CABLES1: variants seen among roughly 807,000 people sequenced by gnomAD.
The protein encoded by CABLES1 is CDK5 and ABL1 enzyme substrate 1.
Under a neutral mutation model 57.8 loss-of-function variants are expected in CABLES1, and 36 were observed. The ratio of observed to expected loss-of-function variants is 0.62; its 90% CI spans 0.48 to 0.82. CABLES1 has a LOEUF of 0.82. Ranked by LOEUF, CABLES1 falls within the 40% of genes least tolerant of loss-of-function variation. The pLI is 0.00. For missense variants in CABLES1, 767 were observed against 836.6 expected (o/e 0.92, Z 1.03); for synonymous variants, 374 against 363.0 (o/e 1.03, Z -0.35).
chr18:23,252,978 G>C lies in CABLES1; in HGVS notation c.1465G>C (p.Val489Leu). ...GTTACAGACAACAGTGATTGACTAC[G>C]TGAAGCCCTCGGATCTCAAGAAGGA... ...PSYMTTVIDYVKPSDLKKDMN... is the reference protein window; with the variant it reads ...PSYMTTVIDYLKPSDLKKDMN... Residue 489 changes from valine (V) to leucine (L), a missense_variant, in exon 8 of 10, where the codon GTG (valine) becomes CTG (leucine). Coordinates refer to ENST00000256925, the MANE Select transcript of CABLES1 (RefSeq NM_001100619.3). 1 of 1,612,146 alleles carries C rather than the reference G, an allele frequency of 6.2e-7. No individual in the cohort carries two copies. The highest frequency in any genetic ancestry group is 1.1e-5 in the South Asian group (1 of 91,058).
intron 4 of CABLES1, among the ~76,000 whole-genome samples, chr18:23,233,944 C>T (rs754841743): frequency 2.6e-5 from 4 of 151,934 alleles, no homozygotes; most frequent in Non-Finnish European, 4.4e-5. Flanking sequence ...AGGCTGGCTG[C>T]TGTGGCTCAC....
chr18:23,238,166 G>A (rs2047652015), intron 7 of CABLES1, among the ~76,000 whole-genome samples: 1 of 152,258 alleles, frequency 6.6e-6, no homozygotes, highest in Admixed American at 6.5e-5. Context: ...GAGTGAACCA[G>A]GGGGTCTTTT....
intron 9 of CABLES1, among the ~76,000 whole-genome samples, chr18:23,255,537 A>G (rs890227625): frequency 6.6e-6 from 1 of 151,894 alleles, no homozygotes; most frequent in East Asian, 1.9e-4. Flanking sequence ...AGGCTTATAC[A>G]GACATCTGCT....
intron 7 of CABLES1, among the ~76,000 whole-genome samples, chr18:23,247,881 C>T (rs989451927): frequency 2.6e-5 from 4 of 152,382 alleles, no homozygotes; most frequent in Admixed American, 1.3e-4. Flanking sequence ...CCCACTTACG[C>T]GGGGCCAAGC....
intron 5 of CABLES1, 66 bp downstream of exon 5, chr18:23,234,770 G>A (rs1280425020): frequency 1.5e-6 from 2 of 1,305,988 alleles, no homozygotes; most frequent in Middle Eastern, 2.5e-4. Context: ...AGCAGAGGAG[G>A]GGGGCAGCCC....
chr18:23,148,942 T>C (rs2046910255), intron 1 of CABLES1, among the ~76,000 whole-genome samples: 1 of 152,116 alleles, frequency 6.6e-6, no homozygotes, highest in African/African-American at 2.4e-5. Flanking sequence ...CAGGCTGGAG[T>C]GCAGTGGCGT....
chr18:23,155,682 G>A (rs907993243), intron 1 of CABLES1: 2 of 604,320 alleles, frequency 3.3e-6, no homozygotes, highest in Non-Finnish European at 5.4e-6. Context: ...TTCTGTCTGG[G>A]GCGGCAGGAC....
chr18:23,157,924 C>T (rs2046976452), intron 1 of CABLES1, among the ~76,000 whole-genome samples: 2 of 152,094 alleles, frequency 1.3e-5, no homozygotes, highest in Admixed American at 6.6e-5. Flanking sequence ...CTATTCTCCA[C>T]GTTGGGCAAT....
rs138043330 is a variant in CABLES1 at position 23,253,070 on chromosome 18, C to T, written c.1553+4C>T. The T allele has an allele frequency of 5.3e-4, 837 of 1,579,470 alleles. 14 individuals are homozygous for T. The South Asian group carries it at 7.2e-3, about 14-fold the overall frequency. On this transcript the variant is annotated splice_donor_region_variant and intron_variant, in intron 8 of 9. Transcript: ENST00000256925. ...TGACACTCAGCAAAATTAGGAGGTACGGGAGGCTGGACTTGCCTGTGACCT... is the reference window on the plus strand; with the variant it reads ...TGACACTCAGCAAAATTAGGAGGTATGGGAGGCTGGACTTGCCTGTGACCT...
At chr18:23,222,100 C>A (rs2047491710) in intron 4 of CABLES1, among the ~76,000 whole-genome samples, 3 of 152,302 alleles carry the variant, frequency 2.0e-5, no homozygotes, top group Admixed American at 1.3e-4. Flanking sequence ...CCTTTGTGGT[C>A]CCCCAGACTT....
At chr18:23,190,016 C>A (rs1417453742) in intron 2 of CABLES1, among the ~76,000 whole-genome samples, 2 of 152,190 alleles carry the variant, frequency 1.3e-5, no homozygotes, top group Non-Finnish European at 2.9e-5. Context: ...TTTTTCAAAG[C>A]GTGGGTAACC....
At chr18:23,189,230 CAG>C in intron 2 of CABLES1, 1 of 295,796 alleles carries the variant, frequency 3.4e-6, no homozygotes, top group South Asian at 3.6e-5. Context: ...CCCCCAGGTG[CAG>C]TCACACAGTA....
At chr18:23,238,175 T>C (rs180844196) in intron 7 of CABLES1, among the ~76,000 whole-genome samples, 24 of 152,334 alleles carry the variant, frequency 1.6e-4, no homozygotes, top group Admixed American at 1.6e-3. Context: ...AGGGGGTCTT[T>C]TTTCTCCCCT....
chr18:23,243,800 A>G (rs1460850023), intron 7 of CABLES1, among the ~76,000 whole-genome samples: 2 of 145,834 alleles, frequency 1.4e-5, no homozygotes, highest in Non-Finnish European at 3.0e-5. Flanking sequence ...TGAACCCGGG[A>G]GGCAGAGGTT....
intron 7 of CABLES1, among the ~76,000 whole-genome samples, chr18:23,238,087 C>G (rs1043604870): frequency 6.6e-6 from 1 of 152,268 alleles, no homozygotes; most frequent in African/African-American, 2.4e-5. Context: ...CACAGCCGAG[C>G]GCTTCCTCCT....
chr18:23,160,328 C>T (rs556624138), intron 1 of CABLES1, among the ~76,000 whole-genome samples: 1 of 152,164 alleles, frequency 6.6e-6, no homozygotes, highest in Non-Finnish European at 1.5e-5. Context: ...CGCGCCTAGC[C>T]GTGTTGGTTT....
intron 4 of CABLES1, among the ~76,000 whole-genome samples, chr18:23,221,474 A>C (rs765321729): frequency 2.0e-5 from 3 of 152,174 alleles, no homozygotes; most frequent in Non-Finnish European, 4.4e-5. Flanking sequence ...GTCCCCTCTG[A>C]TGGTTGGGGT....
chr18:23,179,941 C>G (rs1012238725), intron 1 of CABLES1, among the ~76,000 whole-genome samples: 6 of 152,152 alleles, frequency 3.9e-5, no homozygotes, highest in African/African-American at 1.4e-4. Flanking sequence ...TTTTTTGAGA[C>G]GGAGTCTCGC....
In CABLES1 at chr18:23,257,437, A is replaced by AAATG; in HGVS notation, c.*73_*76dup. On this transcript the variant is annotated 3_prime_UTR_variant, in exon 10 of 10. Transcript: ENST00000256925. ...TGGAGCAGCACTTACTTACTACTGG[A>AAATG]AATGAAAAAAAGTAGAACTCAGAAT... The AAATG allele has an allele frequency of 8.8e-6, 13 of 1,479,100 alleles. No homozygotes were observed. Among genetic ancestry groups the AAATG allele is most frequent in the Non-Finnish European group, 1.2e-5 (13 of 1,107,528 alleles). 91.6% of individuals were successfully genotyped at this position (1,479,100 alleles called of 1,614,324 possible). A position where few individuals can be genotyped will look rare whatever the true frequency, so the allele number is the denominator to read the frequency against.
Sources: allele counts gnomAD v4.1 joint callset (sites outside exome capture counted in the v4.1 genomes callset), GRCh38; gene constraint gnomAD v4.1.1; transcripts MANE v1.5; gene names NCBI Gene and HGNC (gene_info 2026-07-23, HGNC 2026-07-21).